KCNQ3: variants seen among roughly 807,000 people sequenced by gnomAD.
The protein encoded by KCNQ3 is potassium voltage-gated channel subfamily Q member 3, also known as potassium voltage-gated channel subfamily KQT member 3.
KCNQ3 carries 30 observed loss-of-function variants against 92.5 expected under a neutral mutation model. That is an observed-to-expected ratio of 0.32 (90% CI 0.24 to 0.44). The LOEUF (loss-of-function observed/expected upper bound fraction) is 0.44, where lower values mean the gene tolerates loss of function less well. Among genes scored for constraint, KCNQ3 ranks in the 20% least tolerant of loss-of-function variants. The probability of loss-of-function intolerance (pLI) is 1.00; values close to 1 mark genes in which losing one functional copy is unlikely to be tolerated. For synonymous variants in KCNQ3, 450 were observed against 468.8 expected (o/e 0.96, Z 0.52); for missense variants, 913 against 1,140.3 (o/e 0.80, Z 2.87).
chr8:132,403,032 A>AAAAAAAT (rs61533581), intron 1 of KCNQ3, among the ~76,000 whole-genome samples: 1 of 148,662 alleles, frequency 6.7e-6, no homozygotes, highest in Non-Finnish European at 1.5e-5. Flanking sequence ...AAAAAAAAAA[A>AAAAAAAT]GTGTCAATAT....
intron 1 of KCNQ3, among the ~76,000 whole-genome samples, chr8:132,283,138 T>C (rs1421771712): frequency 6.9e-6 from 1 of 144,414 alleles, no homozygotes; most frequent in African/African-American, 2.9e-5. Flanking sequence ...AAGATATCTA[T>C]AGAAATTCTT....
At chr8:132,158,468 C>A (rs745508946) in intron 9 of KCNQ3, among the ~76,000 whole-genome samples, 3 of 152,168 alleles carry the variant, frequency 2.0e-5, no homozygotes, top group Non-Finnish European at 4.4e-5. Context: ...CTATAGCCTC[C>A]TCCTGTGTCA....
intron 9 of KCNQ3, among the ~76,000 whole-genome samples, chr8:132,150,016 A>T (rs1043215406): frequency 5.3e-5 from 8 of 151,622 alleles, no homozygotes; most frequent in African/African-American, 1.9e-4. Flanking sequence ...CAGTTAACAC[A>T]GCCCTGGATT....
rs538017525 is a variant in KCNQ3 at position 132,419,125 on chromosome 8, C to T, written c.386+61022G>A. On this transcript the variant is annotated intron_variant, in intron 1 of 14. Transcript: ENST00000388996. Reference sequence around the variant, plus strand: ...AAAGGTCAATACAATGCCTTCCAGTCCAAAAGCCTAATACTTCGGGAACTA... The same window carrying T: ...AAAGGTCAATACAATGCCTTCCAGTTCAAAAGCCTAATACTTCGGGAACTA... 3.9e-5 allele frequency among the ~76,000 whole-genome samples: 6 copies of T among 152,276 alleles called. No homozygotes were observed. The East Asian group carries it at 9.7e-4, about 25-fold the overall frequency.
intron 1 of KCNQ3, among the ~76,000 whole-genome samples, chr8:132,302,877 C>T (rs1817265339): frequency 6.6e-6 from 1 of 152,160 alleles, no homozygotes; most frequent in Non-Finnish European, 1.5e-5. Context: ...TGTGTCTGTC[C>T]AGGAGGCAGC....
At chr8:132,328,738 G>A (rs775607091) in intron 1 of KCNQ3, among the ~76,000 whole-genome samples, 2 of 151,814 alleles carry the variant, frequency 1.3e-5, no homozygotes, top group Admixed American at 6.6e-5. Context: ...CCCTCAACTC[G>A]AGCACCTCCT....
At chr8:132,298,603 G>C (rs1359498983) in intron 1 of KCNQ3, among the ~76,000 whole-genome samples, 1 of 152,168 alleles carries the variant, frequency 6.6e-6, no homozygotes, top group Admixed American at 6.5e-5. Context: ...TGTAAGATAA[G>C]TTTATGATTT....
intron 1 of KCNQ3, among the ~76,000 whole-genome samples, chr8:132,210,275 G>C (rs1813808857): frequency 6.6e-6 from 1 of 152,142 alleles, no homozygotes; most frequent in African/African-American, 2.4e-5. Flanking sequence ...CTCACATCGT[G>C]GGCTCTGGAG....
At chr8:132,463,049 A>G (rs1822097853) in intron 1 of KCNQ3, among the ~76,000 whole-genome samples, 1 of 152,220 alleles carries the variant, frequency 6.6e-6, no homozygotes, top group Non-Finnish European at 1.5e-5. Flanking sequence ...TTTAGCTTTT[A>G]TCAGATTTTT....
intron 1 of KCNQ3, among the ~76,000 whole-genome samples, chr8:132,310,438 C>T (rs538332444): frequency 2.7e-4 from 41 of 152,324 alleles, no homozygotes; most frequent in Non-Finnish European, 4.9e-4. Flanking sequence ...TGCAGGAGTG[C>T]GGGGCAAAGC....
At chr8:132,206,403 C>T (rs1813659078) in intron 1 of KCNQ3, among the ~76,000 whole-genome samples, 1 of 152,148 alleles carries the variant, frequency 6.6e-6, no homozygotes, top group Non-Finnish European at 1.5e-5. Context: ...AGAATCAATT[C>T]ACAAAAGACA....
Position 132,129,707 on chromosome 8 carries a change from G to T in KCNQ3, c.2174C>A (p.Pro725His). 1 of 1,614,122 alleles carries T rather than the reference G, an allele frequency of 6.2e-7. No individual in the cohort carries two copies. Among genetic ancestry groups the T allele is most frequent in the Middle Eastern group, 1.6e-4 (1 of 6,062 alleles). ...AGTTGCCTGAACCTTTCCAGAACTG[G>T]GTCCCCCTCGGGGCAGGTTCACAGG... ...HDPVNLPRGG[P>H]SSGKVQATPP... The change falls in exon 15 of 15, where the codon CCC becomes CAC. Residue 725 changes from proline (P) to histidine (H), a missense_variant. Pro to His is a moderately conservative substitution (Grantham distance 77). Around this residue, in one of 6 missense-constraint regions of KCNQ3, gnomAD observed 375 missense variants for 376.4 expected, o/e 1.00. Transcript: ENST00000388996. The surrounding 1 kb of genome is among the most constrained non-coding windows in gnomAD (Gnocchi z 5.9).
chr8:132,146,094 T>TAG (rs1453417315), intron 9 of KCNQ3, among the ~76,000 whole-genome samples: 33 of 152,140 alleles, frequency 2.2e-4, no homozygotes, highest in African/African-American at 7.5e-4. Context: ...AAATAGAAAA[T>TAG]AGGAGTTTCA....
At chr8:132,257,745 C>CAAAAAAA (rs1174893538) in intron 1 of KCNQ3, among the ~76,000 whole-genome samples, 10 of 76,618 alleles carry the variant, frequency 1.3e-4, no homozygotes, top group African/African-American at 2.6e-4. Flanking sequence ...GACTCCAGCT[C>CAAAAAAA]AAAAAAAAAA....
intron 1 of KCNQ3, among the ~76,000 whole-genome samples, chr8:132,393,739 T>C (rs1160932209): frequency 6.6e-6 from 1 of 152,154 alleles, no homozygotes; most frequent in East Asian, 1.9e-4. Flanking sequence ...CATTTAGAGG[T>C]GAAAGGACAG....
At chr8:132,228,559 C>T (rs1019938153) in intron 1 of KCNQ3, among the ~76,000 whole-genome samples, 5 of 151,938 alleles carry the variant, frequency 3.3e-5, no homozygotes, top group Non-Finnish European at 5.9e-5. Flanking sequence ...AGAAAAATGC[C>T]CAGAACATAG....
chr8:132,430,583 G>A (rs1395112402), intron 1 of KCNQ3, among the ~76,000 whole-genome samples: 1 of 152,202 alleles, frequency 6.6e-6, no homozygotes, highest in Non-Finnish European at 1.5e-5. Context: ...TAGACCATGA[G>A]TCTGTGCAAG....
At chr8:132,322,610 C>T (rs1353592860) in intron 1 of KCNQ3, among the ~76,000 whole-genome samples, 5 of 152,184 alleles carry the variant, frequency 3.3e-5, no homozygotes, top group Non-Finnish European at 7.4e-5. Context: ...CCAACAGGTA[C>T]TTGGCTGATC....
intron 1 of KCNQ3, among the ~76,000 whole-genome samples, chr8:132,260,368 C>T (rs759315874): frequency 9.2e-5 from 14 of 152,114 alleles, no homozygotes; most frequent in Non-Finnish European, 1.9e-4. Flanking sequence ...TTCTACGTGT[C>T]AAACTTTGTT....
Sources: allele counts gnomAD v4.1 joint callset (sites outside exome capture counted in the v4.1 genomes callset), GRCh38; gene constraint gnomAD v4.1.1; regional missense constraint gnomAD v4.1.1; non-coding constraint Gnocchi (gnomAD v3.1); transcripts MANE v1.5; gene names NCBI Gene and HGNC (gene_info 2026-07-23, HGNC 2026-07-21).